ZNF726: variants seen among roughly 807,000 people sequenced by gnomAD.
The protein encoded by ZNF726 is zinc finger protein 726, also known as zinc finger protein 92 pseudogene 3.
ZNF726 carries 15 observed loss-of-function variants against 11.6 expected under a neutral mutation model. The ratio of observed to expected loss-of-function variants is 1.29; its 90% CI spans 0.86 to 1.99. ZNF726 has a LOEUF of 1.99. Among genes scored for constraint, ZNF726 ranks in the 30% most tolerant of loss-of-function variants. The probability of loss-of-function intolerance (pLI) is 0.00; values close to 1 mark genes in which losing one functional copy is unlikely to be tolerated. For missense variants in ZNF726, 890 were observed against 725.6 expected (o/e 1.23, Z -2.60); for synonymous variants, 295 against 243.6 (o/e 1.21, Z -1.96).
chr19:23,943,187 A>G (rs939105594), intron 3 of ZNF726, among the ~76,000 whole-genome samples: 2 of 152,126 alleles, frequency 1.3e-5, no homozygotes, highest in South Asian at 4.1e-4. Context: ...CGCCCAGCTA[A>G]TTTTTGTATA....
intron 3 of ZNF726, chr19:23,923,325 T>G (rs1297161953): frequency 1.3e-5 from 5 of 370,580 alleles, no homozygotes; most frequent in African/African-American, 1.1e-4. Context: ...TGCTTATCTA[T>G]TAAAAGTTTC....
intron 3 of ZNF726, 27 bp from the exon 4 acceptor site, chr19:23,932,316 G>A (rs946171773): frequency 7.7e-7 from 1 of 1,299,288 alleles, no homozygotes. Context: ...ATAGTAAGTG[G>A]AGTAAATTAT....
intron 1 of ZNF726, 69 bp from the exon 2 acceptor site, chr19:23,919,304 C>T: frequency 1.9e-6 from 3 of 1,574,856 alleles, no homozygotes; most frequent in Non-Finnish European, 2.6e-6. Context: ...TCTGATTTTA[C>T]CTTGAGTCAA....
intron 1 of ZNF726, among the ~76,000 whole-genome samples, chr19:23,916,118 TTTTTTCCCTGAA>T (rs891753183): frequency 5.3e-5 from 8 of 152,122 alleles, no homozygotes; most frequent in Admixed American, 4.6e-4. Context: ...AGGGGACTGA[TTTTTTCCCTGAA>T]TTTTTCACAA....
At chr19:23,928,503 T>TAGAG (rs200927095) in intron 3 of ZNF726, 1 of 152,142 alleles carries the variant, frequency 6.6e-6, no homozygotes, top group Non-Finnish European at 1.5e-5. Flanking sequence ...TACAGATAGA[T>TAGAG]AGAGAGATAG....
chr19:23,927,460 GTCT>G (rs1968013206), intron 3 of ZNF726, among the ~76,000 whole-genome samples: 1 of 151,850 alleles, frequency 6.6e-6, no homozygotes, highest in Admixed American at 6.6e-5. Flanking sequence ...TGTAATTTTG[GTCT>G]TCTTAAATTT....
chr19:23,931,414 A>AT (rs1968102572), intron 3 of ZNF726, among the ~76,000 whole-genome samples: 1 of 151,786 alleles, frequency 6.6e-6, no homozygotes, highest in African/African-American at 2.4e-5. Flanking sequence ...CATTTTTGTG[A>AT]TTTTCCATAC....
intron 1 of ZNF726, among the ~76,000 whole-genome samples, chr19:23,917,966 C>T (rs1967745182): frequency 6.6e-6 from 1 of 152,184 alleles, no homozygotes; most frequent in Non-Finnish European, 1.5e-5. Flanking sequence ...GCAGCTTGTC[C>T]TTCTTACTGT....
At chr19:23,943,888 T>C (rs766369246) in intron 4 of ZNF726, 57 of 209,436 alleles carry the variant, frequency 2.7e-4, no homozygotes, top group Non-Finnish European at 4.5e-4. Context: ...TTCGGGGGAA[T>C]ATAAAAATAT....
At chr19:23,916,264 ATTGACT>A (rs1164210663) in intron 1 of ZNF726, among the ~76,000 whole-genome samples, 3 of 151,968 alleles carry the variant, frequency 2.0e-5, no homozygotes, top group African/African-American at 7.3e-5. Flanking sequence ...CTCCTCTCTA[ATTGACT>A]TTATCAACTA....
intron 1 of ZNF726, among the ~76,000 whole-genome samples, chr19:23,915,421 A>G (rs995031128): frequency 6.6e-6 from 1 of 152,178 alleles, no homozygotes; most frequent in Non-Finnish European, 1.5e-5. Flanking sequence ...ACATTAAATA[A>G]TTTAAAGTGT....
At chr19:23,917,731 G>A (rs140998605) in intron 1 of ZNF726, among the ~76,000 whole-genome samples, 16 of 152,148 alleles carry the variant, frequency 1.1e-4, no homozygotes, top group African/African-American at 3.6e-4. Context: ...GGAATACATA[G>A]TTTTGCTTTT....
intron 3 of ZNF726, among the ~76,000 whole-genome samples, chr19:23,939,725 A>AT (rs1258748841): frequency 6.6e-6 from 1 of 152,148 alleles, no homozygotes; most frequent in African/African-American, 2.4e-5. Context: ...TCTTGCAGGA[A>AT]TAAGGTGGTA....
chr19:23,940,473 T>G (rs916947785), intron 3 of ZNF726, among the ~76,000 whole-genome samples: 2 of 152,156 alleles, frequency 1.3e-5, no homozygotes, highest in African/African-American at 4.8e-5. Flanking sequence ...AGTCTTGCTT[T>G]GGCTATGTGG....
intron 3 of ZNF726, among the ~76,000 whole-genome samples, chr19:23,926,872 AAATAT>A (rs1968000621): frequency 6.6e-6 from 1 of 152,268 alleles, no homozygotes; most frequent in South Asian, 2.1e-4. Flanking sequence ...CAAAATCAGA[AAATAT>A]AATGTCTCTG....
intron 3 of ZNF726, among the ~76,000 whole-genome samples, chr19:23,942,465 C>T (rs1968353362): frequency 6.6e-6 from 1 of 152,040 alleles, no homozygotes. Context: ...TTGTATATAC[C>T]TGTTAAGTTC....
Position 23,941,707 on chromosome 19 carries a change from T to C in ZNF726, c.227-1787T>C, listed in dbSNP as rs11882627. 5.5e-3 allele frequency among the ~76,000 whole-genome samples: 836 copies of C among 152,294 alleles called. 9 individuals carry two copies. The highest frequency in any genetic ancestry group is 0.019 in the African/African-American group (784 of 41,576). ...TTCCTGATTTAAGCTAGGAGGGTTG[T>C]ATTTTTCCAGGAATTTATCCATCTC... On this transcript the variant is annotated intron_variant, in intron 3 of 4. Coordinates refer to the ZNF726 transcript ENST00000334589.
At chr19:23,915,086 C>T (rs560503664) in intron 1 of ZNF726, 89 bp downstream of exon 1, 3 of 1,593,134 alleles carry the variant, frequency 1.9e-6, no homozygotes, top group Non-Finnish European at 2.6e-6. Flanking sequence ...CAGGCCTCCT[C>T]GCTGTCAGTT....
chr19:23,925,794 G>C (rs1967973021), intron 3 of ZNF726, among the ~76,000 whole-genome samples: 1 of 142,598 alleles, frequency 7.0e-6, no homozygotes, highest in East Asian at 2.1e-4. Context: ...TCGGCTCCCT[G>C]CAACCTCCGC....
Sources: gnomAD v4.1 joint callset for allele counts (sites outside exome capture counted in the v4.1 genomes callset) on GRCh38, gnomAD v4.1.1 for gene constraint, MANE v1.5 for transcripts, NCBI Gene and HGNC (gene_info 2026-07-23, HGNC 2026-07-21) for gene names.